The following TRERF1 variants were observed in gnomAD, a reference collection of about 807,000 sequenced individuals.
TRERF1 encodes the protein transcriptional-regulating factor 1.
In TRERF1, 27 loss-of-function variants were observed where a neutral mutation model predicts 122.9. The observed-to-expected ratio is 0.22, with a 90% CI of 0.16 to 0.30. The LOEUF (loss-of-function observed/expected upper bound fraction) is 0.30, where lower values mean the gene tolerates loss of function less well. TRERF1 is among the 10% of genes least tolerant of loss of function. The pLI is 1.00. For synonymous variants in TRERF1, 636 were observed against 641.7 expected (o/e 0.99, Z 0.13); for missense variants, 1,248 against 1,560.3 (o/e 0.80, Z 3.37).
chr6:42,374,198 C>A (rs1461295301), intron 2 of TRERF1, among the ~76,000 whole-genome samples: 1 of 151,074 alleles, frequency 6.6e-6, no homozygotes, highest in African/African-American at 2.4e-5. Flanking sequence ...GCCTGCTAAG[C>A]CTTAGAATGC....
rs149957910 is a variant in TRERF1 at position 42,240,392 on chromosome 6, G to A, written c.2859+2856C>T. Among the ~76,000 whole-genome samples the A allele has an allele frequency of 3.3e-5, 5 of 152,264 alleles. No individual in the cohort carries two copies. The East Asian group carries it at 9.6e-4, about 29-fold the overall frequency. On this transcript the variant is annotated intron_variant, in intron 15 of 17. Transcript: ENST00000372922. Reference sequence around the variant, plus strand: ...CCTCTTCCAAAACACGGCACTGACAGAGCCCAGAACATTCCAGAATTGGAA... The same window carrying A: ...CCTCTTCCAAAACACGGCACTGACAAAGCCCAGAACATTCCAGAATTGGAA...
chr6:42,418,216 TCC>T (rs1491107568), intron 2 of TRERF1, among the ~76,000 whole-genome samples: 7 of 57,774 alleles, frequency 1.2e-4, no homozygotes, highest in Admixed American at 3.1e-4. Context: ...TCTTTTTCTT[TCC>T]TTTTTTTTTT....
intron 2 of TRERF1, among the ~76,000 whole-genome samples, chr6:42,433,012 TA>T (rs1784718607): frequency 6.6e-6 from 1 of 152,186 alleles, no homozygotes; most frequent in African/African-American, 2.4e-5. Context: ...ATAAGATAGA[TA>T]AAATACAAGA....
At chr6:42,299,116 C>A (rs78586880) in intron 4 of TRERF1, among the ~76,000 whole-genome samples, 5 of 141,666 alleles carry the variant, frequency 3.5e-5, no homozygotes, top group African/African-American at 5.4e-5. Flanking sequence ...GTCTGTCTGT[C>A]TCTATCTATC....
At chr6:42,251,286 G>A (rs1343393481) in intron 13 of TRERF1, among the ~76,000 whole-genome samples, 1 of 152,154 alleles carries the variant, frequency 6.6e-6, no homozygotes, top group Non-Finnish European at 1.5e-5. Context: ...ATGAGCCACC[G>A]TTCCTGGACC....
rs760566828 is a variant in TRERF1 at position 42,393,250 on chromosome 6, G to T, written c.-453-30171C>A. Among the ~76,000 whole-genome samples, 1 of 152,232 alleles carries T rather than the reference G, an allele frequency of 6.6e-6. No individual in the cohort carries two copies. Among genetic ancestry groups the T allele is most frequent in the Admixed American group, 6.5e-5 (1 of 15,286 alleles). On this transcript the variant is annotated intron_variant, in intron 2 of 17. Transcript: ENST00000372922. This position sits in a 1 kb window ranked among gnomAD's most constrained non-coding sequence, Gnocchi z 4.1. ...GTATTTCATCCTCACCACCTGGCCA[G>T]AAAGGCATTCCTGCCTTCATTTTGC...
intron 17 of TRERF1, among the ~76,000 whole-genome samples, chr6:42,230,155 C>T (rs1018197705): frequency 6.6e-5 from 10 of 152,066 alleles, no homozygotes; most frequent in African/African-American, 1.2e-4. Context: ...CTGAGTCCAA[C>T]GGGGCTGATA....
chr6:42,253,809 C>A (rs1582582264), intron 13 of TRERF1, among the ~76,000 whole-genome samples: 2 of 152,176 alleles, frequency 1.3e-5, no homozygotes, highest in Non-Finnish European at 2.9e-5. Context: ...TGTAAAGAAG[C>A]CCTCACTGGG....
At chr6:42,403,068 C>A (rs1779643849) in intron 2 of TRERF1, among the ~76,000 whole-genome samples, 1 of 151,674 alleles carries the variant, frequency 6.6e-6, no homozygotes, top group African/African-American at 2.4e-5. Context: ...TATTGGGGTG[C>A]AAAAAAGAAA....
intron 8 of TRERF1, among the ~76,000 whole-genome samples, chr6:42,262,839 C>A (rs1778466092): frequency 1.3e-5 from 2 of 152,114 alleles, no homozygotes. Context: ...GATGCCAGGG[C>A]TATTGCCTGG....
intron 4 of TRERF1, among the ~76,000 whole-genome samples, chr6:42,284,330 T>C (rs1351615166): frequency 6.6e-6 from 1 of 151,704 alleles, no homozygotes; most frequent in Non-Finnish European, 1.5e-5. Context: ...CCTCCCAAAG[T>C]GTTGGGATCA....
rs368543665 is a variant in TRERF1 at position 42,409,228 on chromosome 6, G to A, written c.-454+41949C>T. On this transcript the variant is annotated intron_variant, in intron 2 of 17. Coordinates refer to ENST00000372922, the Ensembl canonical transcript of TRERF1. ...CAGGAAGTTGAGGCTGCAGTGAGCC[G>A]TGATCACGCCACTGCACTCCAGCCT... 7.9e-5 allele frequency among the ~76,000 whole-genome samples: 12 copies of A among 152,132 alleles called. No individual in the cohort carries two copies. The South Asian group carries it at 1.5e-3, about 18-fold the overall frequency.
intron 4 of TRERF1, among the ~76,000 whole-genome samples, chr6:42,282,013 G>C (rs966229230): frequency 2.6e-5 from 4 of 152,254 alleles, no homozygotes; most frequent in Non-Finnish European, 4.4e-5. Flanking sequence ...CCCAGGAGTA[G>C]AGGAAGGTGT....
At chr6:42,266,307 G>C (rs1391690423) in intron 5 of TRERF1, among the ~76,000 whole-genome samples, 1 of 150,800 alleles carries the variant, frequency 6.6e-6, no homozygotes, top group African/African-American at 2.4e-5. Flanking sequence ...TCCTGCCTCA[G>C]CCTCCCAAGT....
At chr6:42,349,421 T>A (rs1581724090) in intron 3 of TRERF1, among the ~76,000 whole-genome samples, 1 of 151,948 alleles carries the variant, frequency 6.6e-6, no homozygotes, top group Admixed American at 6.6e-5. Flanking sequence ...CCAGTCTGGG[T>A]TGGTTTTCAG....
intron 2 of TRERF1, among the ~76,000 whole-genome samples, chr6:42,428,783 G>A (rs1433308549): frequency 6.6e-6 from 1 of 152,198 alleles, no homozygotes; most frequent in Non-Finnish European, 1.5e-5. Flanking sequence ...ATTCATTTAG[G>A]GAAATGTTTA....
In TRERF1 at chr6:42,432,073, T is replaced by C. The variant is rs576641051; in HGVS notation, c.-454+19104A>G. 1.1e-4 allele frequency among the ~76,000 whole-genome samples: 17 copies of C among 152,294 alleles called. No homozygotes were observed. In the South Asian group the frequency reaches 2.9e-3, roughly 26 times the overall value. ...AGCTCTGCCACTGACAACTGTACCA[T>C]GGGCAAGTGACCTATTCCCTCATGC... On this transcript the variant is annotated intron_variant, in intron 2 of 17. Coordinates refer to ENST00000372922, the Ensembl canonical transcript of TRERF1.
intron 2 of TRERF1, among the ~76,000 whole-genome samples, chr6:42,391,366 A>G (rs1464164999): frequency 2.0e-5 from 3 of 152,224 alleles, no homozygotes; most frequent in Admixed American, 6.5e-5. Flanking sequence ...TGGCTCTTAA[A>G]TGCCTAGGGT....
chr6:42,279,138 G>C (rs1043446148), intron 4 of TRERF1, among the ~76,000 whole-genome samples: 1 of 152,178 alleles, frequency 6.6e-6, no homozygotes, highest in African/African-American at 2.4e-5. Context: ...CCACAATATA[G>C]GGCTTGGGCC....
Sources: gnomAD v4.1 joint callset for allele counts (sites outside exome capture counted in the v4.1 genomes callset) on GRCh38, gnomAD v4.1.1 for gene constraint, Gnocchi (gnomAD v3.1) non-coding constraint, MANE v1.5 for transcripts, NCBI Gene and HGNC (gene_info 2026-07-23, HGNC 2026-07-21) for gene names.